COL12A1: variants seen among roughly 807,000 people sequenced by gnomAD.
COL12A1 encodes collagen type XII alpha 1 chain.
In COL12A1, 114 loss-of-function variants were observed where a neutral mutation model predicts 349.7. The ratio of observed to expected loss-of-function variants is 0.33; its 90% CI spans 0.28 to 0.38. COL12A1 has a LOEUF of 0.38. Among genes scored for constraint, COL12A1 ranks in the 10% least tolerant of loss-of-function variants. The pLI, the probability that COL12A1 is intolerant of heterozygous loss-of-function variation, is 1.00. For missense variants in COL12A1, 3,284 were observed against 3,756.9 expected, an observed-to-expected ratio of 0.87 and a Z score of 3.29; for synonymous variants, 1,369 against 1,329.0, an observed-to-expected ratio of 1.03 and a Z score of -0.66.
intron 21 of COL12A1, 67 bp downstream of exon 21, chr6:75,151,074 A>AAG: frequency 7.3e-6 from 1 of 136,678 alleles, no homozygotes; most frequent in Non-Finnish European, 1.5e-5. Flanking sequence ...CCCCCCACCC[A>AAG]AAAGAATAAT....
intron 13 of COL12A1, among the ~76,000 whole-genome samples, chr6:75,173,125 C>T (rs1768724440): frequency 1.3e-5 from 2 of 152,148 alleles, no homozygotes; most frequent in African/African-American, 2.4e-5. Context: ...ATGAATTTCA[C>T]TTACATTCTC....
At chr6:75,178,893 C>T (rs1769118417) in intron 11 of COL12A1, among the ~76,000 whole-genome samples, 1 of 152,086 alleles carries the variant, frequency 6.6e-6, no homozygotes, top group Non-Finnish European at 1.5e-5. Context: ...TGGTAGTTGG[C>T]CAACTTACAC....
intron 2 of COL12A1, among the ~76,000 whole-genome samples, chr6:75,197,413 A>C (rs1307480606): frequency 1.3e-5 from 2 of 151,584 alleles, no homozygotes; most frequent in Non-Finnish European, 2.9e-5. Context: ...CCTAGGTTCA[A>C]GCGATTCTCC....
Position 75,133,293 on chromosome 6 carries a change from A to T in COL12A1, c.5794T>A (p.Leu1932Met). ...GGRTSDTGRT[L>M]MRGLARNVQV... ...TTAATTTTTTGGCTTTATTACTTAC[A>T]TGTCCTTCCAGTATCTGATGTGCGT... The change falls in exon 34 of 66, where the codon TTG becomes ATG. Residue 1932 changes from leucine to methionine, a missense_variant and splice_region_variant. By Grantham distance (15) the Leu-to-Met change is conservative. Around this residue, in one of 2 missense-constraint regions of COL12A1, gnomAD observed 2,601 missense variants for 2,824.8 expected, o/e 0.92. Coordinates refer to ENST00000322507, the MANE Select transcript of COL12A1 (RefSeq NM_004370.6). The T allele has an allele frequency of 6.3e-7, 1 of 1,581,760 alleles. No homozygotes were observed. Among genetic ancestry groups the T allele is most frequent in the Non-Finnish European group, 8.6e-7 (1 of 1,167,224 alleles).
chr6:75,140,655 CAAAA>C (rs1236499281), intron 27 of COL12A1, among the ~76,000 whole-genome samples: 8 of 46,132 alleles, frequency 1.7e-4, no homozygotes, highest in African/African-American at 6.3e-4. Flanking sequence ...GACTCTGTCT[CAAAA>C]AAAAAAAAAA....
chr6:75,173,264 G>A (rs1173594493), intron 13 of COL12A1, among the ~76,000 whole-genome samples: 1 of 152,086 alleles, frequency 6.6e-6, no homozygotes, highest in African/African-American at 2.4e-5. Flanking sequence ...CAGTACAACT[G>A]GGACTCTTCT....
intron 49 of COL12A1, among the ~76,000 whole-genome samples, chr6:75,115,382 T>G (rs1769026582): frequency 6.6e-6 from 1 of 152,112 alleles, no homozygotes; most frequent in Non-Finnish European, 1.5e-5. Context: ...CAAGAAACAC[T>G]ACCTTTCATT....
intron 58 of COL12A1, among the ~76,000 whole-genome samples, chr6:75,100,110 C>T (rs1353282122): frequency 2.0e-5 from 3 of 152,242 alleles, no homozygotes; most frequent in African/African-American, 7.2e-5. Flanking sequence ...CTGAAAAGTT[C>T]TCTTGCCCTC....
chr6:75,138,207 A>G, intron 30 of COL12A1, 113 bp downstream of exon 30: 2 of 1,125,648 alleles, frequency 1.8e-6, no homozygotes, highest in Non-Finnish European at 2.5e-6. Flanking sequence ...CTCAATGAAC[A>G]TCTTAGGATT....
intron 15 of COL12A1, 81 bp downstream of exon 15, chr6:75,156,176 T>C (rs1767751765): frequency 6.7e-7 from 1 of 1,489,178 alleles, no homozygotes; most frequent in South Asian, 1.3e-5. Context: ...TTTAAACATT[T>C]ACAAATGAAG....
intron 31 of COL12A1, among the ~76,000 whole-genome samples, chr6:75,136,566 C>T (rs963046143): frequency 2.0e-4 from 31 of 152,108 alleles, no homozygotes; most frequent in Admixed American, 1.9e-3. Context: ...CTCGGCAAGT[C>T]AGATGATTAA....
rs1449870939 is a variant in COL12A1, at chr6:75,143,531, A to C, written c.4691-143T>G. 4 of 833,032 alleles carry C rather than the reference A, an allele frequency of 4.8e-6. No individual in the cohort carries two copies. The African/African-American group carries it at 5.3e-5, about 11-fold the overall frequency. The allele number at this position is 833,032 out of a possible 1,614,324, so 51.6% of individuals were successfully genotyped here. A position where few individuals can be genotyped will look rare whatever the true frequency, so the allele number is the denominator to read the frequency against. On this transcript the variant is annotated intron_variant, in intron 25 of 65. Coordinates refer to ENST00000322507, the MANE Select transcript of COL12A1 (RefSeq NM_004370.6). ...CTGAAAAAAATGATTATGATGATAA[A>C]AGTACCATGATTCTACCAGATAGAC... is the stretch of plus-strand genomic sequence containing the variant.
At chr6:75,105,362 C>T in intron 53 of COL12A1, 70 bp from the exon 54 acceptor site, 2 of 1,013,798 alleles carry the variant, frequency 2.0e-6, no homozygotes, top group South Asian at 2.8e-5. Flanking sequence ...CCCACCCCCA[C>T]TTACATGCAC....
intron 58 of COL12A1, among the ~76,000 whole-genome samples, chr6:75,099,732 A>G: frequency 6.6e-6 from 1 of 152,202 alleles, no homozygotes; most frequent in Admixed American, 6.5e-5. Flanking sequence ...ACACATGTAC[A>G]GATACCTGTA....
At position 75,085,123 on chromosome 6, in the gene COL12A1, A is replaced by G. The variant is rs2149318754; in HGVS notation, c.*1424T>C. 1 of 425,034 alleles carries G rather than the reference A, an allele frequency of 2.4e-6. No homozygotes were observed. Among genetic ancestry groups the G allele is most frequent in the Non-Finnish European group, 4.8e-6 (1 of 210,054 alleles). 26.3% of individuals were successfully genotyped at this position (425,034 alleles called of 1,614,324 possible). A position where few individuals can be genotyped will look rare whatever the true frequency, so the allele number is the denominator to read the frequency against. Reference sequence around the variant, plus strand: ...CCTCAGAAAAGACGTACACTGCTCTATCTGACCTGTAAATGAGAATTTCAA... The same window carrying G: ...CCTCAGAAAAGACGTACACTGCTCTGTCTGACCTGTAAATGAGAATTTCAA... On this transcript the variant is annotated 3_prime_UTR_variant, in exon 66 of 66. Coordinates refer to ENST00000322507, the MANE Select transcript of COL12A1 (RefSeq NM_004370.6).
intron 11 of COL12A1, 23 bp downstream of exon 11, chr6:75,180,916 C>T (rs778728346): frequency 1.9e-6 from 3 of 1,597,050 alleles, no homozygotes; most frequent in Non-Finnish European, 2.6e-6. Flanking sequence ...TTCTGAATAA[C>T]AGTGGCAGAA....
chr6:75,201,552 C>G, intron 2 of COL12A1, among the ~76,000 whole-genome samples: 1 of 151,994 alleles, frequency 6.6e-6, no homozygotes, highest in Non-Finnish European at 1.5e-5. Flanking sequence ...CACACCTCAA[C>G]CCAGAACTTC....
intron 2 of COL12A1, among the ~76,000 whole-genome samples, chr6:75,201,242 CAAATA>C (rs1406128577): frequency 6.6e-6 from 1 of 152,146 alleles, no homozygotes; most frequent in Non-Finnish European, 1.5e-5. Context: ...AGAAGTTCCT[CAAATA>C]AAATTCCTTC....
In COL12A1 at chr6:75,152,422, C is replaced by T; in HGVS notation, c.3626G>A (p.Ser1209Asn). 6.2e-7 allele frequency: 1 copy of T among 1,613,720 alleles called. No individual in the cohort carries two copies. The highest frequency in any genetic ancestry group is 8.5e-7 in the Non-Finnish European group (1 of 1,179,738). Reference sequence around the variant, plus strand: ...GGTTCTAAAATTTGCCCGGCCGATGCTCCATGATCCATCCACCAGCAACAC... The same window carrying T: ...GGTTCTAAAATTTGCCCGGCCGATGTTCCATGATCCATCCACCAGCAACAC... ...DIVLLVDGSW[S>N]IGRANFRTVR... The change falls in exon 18 of 66, where the codon AGC becomes AAC. Residue 1209 changes from serine (S) to asparagine (N), a missense_variant. Transcript: ENST00000322507.
Sources: allele counts gnomAD v4.1 joint callset (sites outside exome capture counted in the v4.1 genomes callset), GRCh38; gene constraint gnomAD v4.1.1; regional missense constraint gnomAD v4.1.1; transcripts MANE v1.5; gene names NCBI Gene and HGNC (gene_info 2026-07-23, HGNC 2026-07-21).